SLC2A13: variants seen among roughly 807,000 people sequenced by gnomAD.
SLC2A13 encodes the protein proton myo-inositol cotransporter.
SLC2A13 carries 32 observed loss-of-function variants against 64.4 expected under a neutral mutation model. The observed-to-expected ratio is 0.50, with a 90% CI of 0.37 to 0.67. The LOEUF (loss-of-function observed/expected upper bound fraction) is 0.67, where lower values mean the gene tolerates loss of function less well. SLC2A13 is among the 30% of genes least tolerant of loss of function. The probability of loss-of-function intolerance (pLI) is 0.00; values close to 1 mark genes in which losing one functional copy is unlikely to be tolerated. For missense variants in SLC2A13, 743 were observed against 829.2 expected, an observed-to-expected ratio of 0.90 and a Z score of 1.28; for synonymous variants, 338 against 327.1, an observed-to-expected ratio of 1.03 and a Z score of -0.36.
chr12:40,091,747 A>T (rs1938775691), intron 1 of SLC2A13, among the ~76,000 whole-genome samples: 1 of 152,328 alleles, frequency 6.6e-6, no homozygotes, highest in East Asian at 1.9e-4. Context: ...ATGTGCCAGG[A>T]AAACTTAATT....
At chr12:39,948,155 T>C (rs1443701172) in intron 4 of SLC2A13, among the ~76,000 whole-genome samples, 1 of 152,148 alleles carries the variant, frequency 6.6e-6, no homozygotes, top group Non-Finnish European at 1.5e-5. Flanking sequence ...ATCAATTCAG[T>C]TGCATGTTGA....
chr12:40,009,998 A>G (rs1309711288), intron 3 of SLC2A13, among the ~76,000 whole-genome samples: 4 of 152,244 alleles, frequency 2.6e-5, no homozygotes, highest in African/African-American at 7.2e-5. Flanking sequence ...GGTAATATTT[A>G]TACTTCTTCA....
intron 4 of SLC2A13, among the ~76,000 whole-genome samples, chr12:39,941,120 CATAT>C (rs56394315): frequency 0.04 from 5,949 of 149,556 alleles, 331 homozygotes; most frequent in African/African-American, 0.12. Context: ...AGTATTCCAT[CATAT>C]ATATATATAT....
chr12:39,809,584 C>G (rs1377527788), intron 7 of SLC2A13, among the ~76,000 whole-genome samples: 1 of 152,082 alleles, frequency 6.6e-6, no homozygotes, highest in Non-Finnish European at 1.5e-5. Flanking sequence ...TACACATGTG[C>G]CCTGTTGGTG....
rs28740220 is a variant in SLC2A13 at position 39,999,457 on chromosome 12, C to T, written c.925+28844G>A. Reference sequence around the variant, plus strand: ...TCATGGGGGGAGGTCTACAAACAGCCGCTCTGGGAGTGTCTGTCTTATGCA... The same window carrying T: ...TCATGGGGGGAGGTCTACAAACAGCTGCTCTGGGAGTGTCTGTCTTATGCA... On this transcript the variant is annotated intron_variant, in intron 3 of 9. Transcript: ENST00000280871. 1.1e-3 allele frequency among the ~76,000 whole-genome samples: 168 copies of T among 152,132 alleles called. 1 individual carries two copies. Among genetic ancestry groups the T allele is most frequent in the Non-Finnish European group, 2.0e-3 (135 of 67,998 alleles).
intron 4 of SLC2A13, among the ~76,000 whole-genome samples, chr12:39,920,805 T>C (rs1945602546): frequency 6.6e-6 from 1 of 152,056 alleles, no homozygotes; most frequent in African/African-American, 2.4e-5. Flanking sequence ...TGCATGCACA[T>C]ACCCACACAC....
chr12:39,912,110 C>T (rs1945442304), intron 4 of SLC2A13, among the ~76,000 whole-genome samples: 1 of 151,960 alleles, frequency 6.6e-6, no homozygotes. Context: ...CCTTTTTCCC[C>T]ACAATGATCA....
intron 7 of SLC2A13, among the ~76,000 whole-genome samples, chr12:39,815,369 A>C (rs973321446): frequency 6.6e-6 from 1 of 152,232 alleles, no homozygotes; most frequent in African/African-American, 2.4e-5. Context: ...TTTTTCAAAC[A>C]GACTGGCCTT....
intron 4 of SLC2A13, among the ~76,000 whole-genome samples, chr12:39,928,003 G>A (rs957100701): frequency 6.6e-6 from 1 of 152,098 alleles, no homozygotes; most frequent in Non-Finnish European, 1.5e-5. Context: ...AGCTTGGTAT[G>A]AAGTATTCAT....
At chr12:40,096,328 TACTA>T in intron 1 of SLC2A13, among the ~76,000 whole-genome samples, 1 of 152,248 alleles carries the variant, frequency 6.6e-6, no homozygotes, top group South Asian at 2.1e-4. Context: ...AGAGTCTATT[TACTA>T]ACTGTATTTT....
chr12:40,036,036 A>T (rs1461226661), intron 2 of SLC2A13, among the ~76,000 whole-genome samples: 2 of 152,208 alleles, frequency 1.3e-5, no homozygotes, highest in Non-Finnish European at 2.9e-5. Flanking sequence ...AACTCTGAGA[A>T]TCATCCATGA....
At chr12:39,855,990 G>T (rs1056193897) in intron 6 of SLC2A13, among the ~76,000 whole-genome samples, 1 of 152,162 alleles carries the variant, frequency 6.6e-6, no homozygotes. Context: ...GGCTTGAACT[G>T]CTGGGTCTAC....
intron 3 of SLC2A13, among the ~76,000 whole-genome samples, chr12:40,016,198 C>T (rs1039732148): frequency 1.3e-5 from 2 of 151,808 alleles, no homozygotes; most frequent in Admixed American, 1.3e-4. Flanking sequence ...CACCACCCCC[C>T]CAAAAAAAAA....
At chr12:39,835,832 T>G (rs965239580) in intron 6 of SLC2A13, 2 of 152,080 alleles carry the variant, frequency 1.3e-5, no homozygotes, top group African/African-American at 4.8e-5. Flanking sequence ...GAAAATAATT[T>G]TAGGGGGTAG....
At chr12:39,917,031 T>C (rs1945531847) in intron 4 of SLC2A13, among the ~76,000 whole-genome samples, 1 of 152,124 alleles carries the variant, frequency 6.6e-6, no homozygotes. Flanking sequence ...GACAAATTTA[T>C]TGAACACCTG....
At chr12:39,896,282 GTATGTATATGTGTGTATATATGTATA>G (rs1944857963) in intron 4 of SLC2A13, among the ~76,000 whole-genome samples, 1 of 38,036 alleles carries the variant, frequency 2.6e-5, no homozygotes, top group South Asian at 9.3e-4. Context: ...ATGTATACAT[GTATGTATATGTGTGTATATATGTATA>G]CATATATGTA....
chr12:39,769,513 T>G (rs1219323556), intron 7 of SLC2A13, among the ~76,000 whole-genome samples: 1 of 141,560 alleles, frequency 7.1e-6, no homozygotes, highest in African/African-American at 2.7e-5. Flanking sequence ...TCTCAATATT[T>G]GAGAAAAGAA....
intron 3 of SLC2A13, among the ~76,000 whole-genome samples, chr12:40,017,464 C>A (rs1388534318): frequency 6.6e-6 from 1 of 152,206 alleles, no homozygotes; most frequent in African/African-American, 2.4e-5. Flanking sequence ...ATTAATACAT[C>A]TTCTCTCTAT....
intron 4 of SLC2A13, among the ~76,000 whole-genome samples, chr12:39,921,799 T>C (rs1432759320): frequency 1.3e-5 from 2 of 152,162 alleles, no homozygotes; most frequent in Admixed American, 1.3e-4. Context: ...GTTTAGAATG[T>C]AATGTGCCAA....
Sources: allele counts gnomAD v4.1 joint callset (sites outside exome capture counted in the v4.1 genomes callset), GRCh38; gene constraint gnomAD v4.1.1; transcripts MANE v1.5; gene names NCBI Gene and HGNC (gene_info 2026-07-23, HGNC 2026-07-21).